FOXP4: variants seen among roughly 807,000 people sequenced by gnomAD.
The protein encoded by FOXP4 is forkhead box protein P4.
Under a neutral mutation model 82.6 loss-of-function variants are expected in FOXP4, and 25 were observed. That is an observed-to-expected ratio of 0.30 (90% CI 0.22 to 0.42). The LOEUF (loss-of-function observed/expected upper bound fraction) is 0.42, where lower values mean the gene tolerates loss of function less well. Among genes scored for constraint, FOXP4 ranks in the 10% least tolerant of loss-of-function variants. FOXP4 has a pLI of 1.00. For synonymous variants in FOXP4, 415 were observed against 388.2 expected (o/e 1.07, Z -0.81); for missense variants, 785 against 900.9 (o/e 0.87, Z 1.65).
chr6:41,587,818 T>C lies in FOXP4; in HGVS notation c.898T>C (p.Ser300Pro). 6.4e-7 allele frequency: 1 copy of C among 1,567,926 alleles called. No individual in the cohort carries two copies. The change falls in exon 8 of 17, where the codon TCC becomes CCC. Residue 300 changes from serine to proline, a missense_variant. Ser to Pro is a moderately conservative substitution (Grantham distance 74). This residue lies in a region of FOXP4 where 570 missense variants were observed against 634.0 expected (regional missense o/e 0.90). Coordinates refer to ENST00000307972, the MANE Select transcript of FOXP4 (RefSeq NM_001012426.2). ...DSSSHEETPG[S>P]HPLYGHGECK... ...CTCTTCCCACGAGGAGACCCCCGGC[T>C]CCCACCCCCTGTACGGACACGGAGA... is the stretch of plus-strand genomic sequence containing the variant.
At chr6:41,562,824 C>T (rs1399795975) in intron 1 of FOXP4, among the ~76,000 whole-genome samples, 6 of 152,204 alleles carry the variant, frequency 3.9e-5, no homozygotes, top group African/African-American at 1.4e-4. Flanking sequence ...TCCTGTCTCC[C>T]CATCCCCCTC....
chr6:41,574,809 G>A (rs896542019), intron 2 of FOXP4, among the ~76,000 whole-genome samples: 17 of 152,242 alleles, frequency 1.1e-4, no homozygotes, highest in Middle Eastern at 3.4e-3. Flanking sequence ...GTGTTAACTC[G>A]CCCTTCAGAT....
intron 3 of FOXP4, among the ~76,000 whole-genome samples, chr6:41,579,777 T>C (rs939106189): frequency 6.6e-6 from 1 of 152,316 alleles, no homozygotes; most frequent in East Asian, 1.9e-4. Context: ...AATTCATTGA[T>C]TGATTCATTC....
In FOXP4 at chr6:41,591,203, C is replaced by A; in HGVS notation, c.1435-18C>A. The stretch of plus-strand genomic sequence containing the variant: ...GAGGCCCAGGCTGACGGTCCCTTTG[C>A]TTGTTCCTTCCCCGCAGGCCATCCT... On this transcript the variant is annotated intron_variant, in intron 12 of 16. Transcript: ENST00000307972. The surrounding 1 kb of genome is among the most constrained non-coding windows in gnomAD (Gnocchi z 4.2). 1 of 1,595,790 alleles carries A rather than the reference C, an allele frequency of 6.3e-7. No homozygotes were observed. The highest frequency in any genetic ancestry group is 8.5e-7 in the Non-Finnish European group (1 of 1,169,726).
intron 15 of FOXP4, 111 bp from the exon 16 acceptor site, chr6:41,597,670 A>G (rs72863012): frequency 0.03 from 40,233 of 1,352,624 alleles, 742 homozygotes; most frequent in Non-Finnish European, 0.034. Context: ...CCGTGGGGCC[A>G]GTAGGCAGAC....
intron 1 of FOXP4, among the ~76,000 whole-genome samples, chr6:41,565,236 T>C (rs1360500354): frequency 6.6e-6 from 1 of 152,094 alleles, no homozygotes; most frequent in Admixed American, 6.5e-5. Context: ...GGCAGGCACC[T>C]GTAATCCTAG....
At chr6:41,584,699 T>C in intron 3 of FOXP4, 70 bp from the exon 4 acceptor site, 1 of 1,480,584 alleles carries the variant, frequency 6.8e-7, no homozygotes, top group Non-Finnish European at 9.1e-7. Context: ...ACGCTGAGAG[T>C]GGGGCCCTGG....
At chr6:41,589,360 G>T (rs992534891) in intron 9 of FOXP4, among the ~76,000 whole-genome samples, 3 of 152,218 alleles carry the variant, frequency 2.0e-5, no homozygotes, top group Admixed American at 2.0e-4. Flanking sequence ...TTATGAATGG[G>T]GTGTCTGAGC....
chr6:41,596,541 C>T (rs1334775253), intron 14 of FOXP4, among the ~76,000 whole-genome samples: 1 of 152,086 alleles, frequency 6.6e-6, no homozygotes, highest in East Asian at 1.9e-4. Context: ...ACCTCTGCTT[C>T]TCACCAGTTT....
intron 3 of FOXP4, among the ~76,000 whole-genome samples, chr6:41,581,085 C>G (rs1765774328): frequency 6.6e-6 from 1 of 152,206 alleles, no homozygotes; most frequent in Non-Finnish European, 1.5e-5. Context: ...TTCGTCCATC[C>G]CCATCTGGCA....
intron 14 of FOXP4, 76 bp from the exon 15 acceptor site, chr6:41,597,100 C>G: frequency 6.7e-7 from 1 of 1,493,222 alleles, no homozygotes; most frequent in South Asian, 1.1e-5. Context: ...CAGGCCGTTA[C>G]TTAGTGAGAG....
chr6:41,565,853 C>T lies in FOXP4; in HGVS notation c.93C>T (p.Ser31=), dbSNP rs766571740. The change falls in exon 2 of 17, where the codon AGC becomes AGT. Residue 31 remains serine, a synonymous_variant. Coordinates refer to ENST00000307972, the MANE Select transcript of FOXP4 (RefSeq NM_001012426.2). ...TCTCTGGGCAAGCCGATGGCAGCAG[C>T]GGCGGGGCCACAGGGACAACTGCAA... ...GSLSGQADGS[S]GGATGTTASG... is the part of the protein sequence containing the mutation. 14 of 1,613,846 alleles carry T rather than the reference C, an allele frequency of 8.7e-6. No individual in the cohort carries two copies. In the East Asian group the frequency reaches 1.1e-4, roughly 13 times the overall value.
chr6:41,589,905 G>T, intron 10 of FOXP4, 51 bp downstream of exon 10: 1 of 1,610,910 alleles, frequency 6.2e-7, no homozygotes, highest in Non-Finnish European at 8.5e-7. Context: ...ACAGACCCTG[G>T]AGCCTCGGGA....
chr6:41,571,411 C>T (rs920648660), intron 2 of FOXP4, among the ~76,000 whole-genome samples: 1 of 152,218 alleles, frequency 6.6e-6, no homozygotes, highest in Non-Finnish European at 1.5e-5. Context: ...TCCTCATCCA[C>T]GCTGTTGAGT....
intron 1 of FOXP4, among the ~76,000 whole-genome samples, chr6:41,560,626 C>T (rs892760553): frequency 6.6e-6 from 1 of 152,232 alleles, no homozygotes; most frequent in Non-Finnish European, 1.5e-5. Context: ...TCCGGGCATC[C>T]ATCAGTCTGT....
At chr6:41,594,074 G>A (rs1381243229) in intron 13 of FOXP4, among the ~76,000 whole-genome samples, 3 of 152,120 alleles carry the variant, frequency 2.0e-5, no homozygotes, top group South Asian at 4.1e-4. Flanking sequence ...GCCCTAGTCC[G>A]GGCTCCCATG....
At chr6:41,552,999 C>T (rs1764084261) in intron 1 of FOXP4, among the ~76,000 whole-genome samples, 1 of 152,152 alleles carries the variant, frequency 6.6e-6, no homozygotes, top group Admixed American at 6.5e-5. Context: ...CCCACATCCT[C>T]GGGCTCACCA....
rs1043253038 is a variant in FOXP4, at chr6:41,601,207, A to G, written c.*2271A>G. 4 of 152,382 alleles carry G rather than the reference A, an allele frequency of 2.6e-5. No individual in the cohort carries two copies. The highest frequency in any genetic ancestry group is 2.1e-4 in the South Asian group (1 of 4,824). The allele number at this position is 152,382 out of a possible 1,614,324, so 9.4% of individuals were successfully genotyped here. ...GGCACACTGTGTGGTGACCATGGTC[A>G]TCATAGTGGGCTCACGGCGGAAACG... is the stretch of plus-strand genomic sequence containing the variant. On this transcript the variant is annotated 3_prime_UTR_variant, in exon 17 of 17. Coordinates refer to ENST00000307972, the MANE Select transcript of FOXP4 (RefSeq NM_001012426.2).
At chr6:41,581,061 G>T (rs991151033) in intron 3 of FOXP4, among the ~76,000 whole-genome samples, 3 of 152,222 alleles carry the variant, frequency 2.0e-5, no homozygotes, top group East Asian at 1.9e-4. Context: ...GGCAAAGGTG[G>T]CTGGGGCCTT....
Sources: gnomAD v4.1 joint callset for allele counts (sites outside exome capture counted in the v4.1 genomes callset) on GRCh38, gnomAD v4.1.1 for gene constraint, gnomAD v4.1.1 regional missense constraint, Gnocchi (gnomAD v3.1) non-coding constraint, MANE v1.5 for transcripts, NCBI Gene and HGNC (gene_info 2026-07-23, HGNC 2026-07-21) for gene names.